Variants in POFUT1 observed in about 807,000 individuals in gnomAD.
The protein encoded by POFUT1 is GDP-fucose protein O-fucosyltransferase 1.
In POFUT1, 16 loss-of-function variants were observed where a neutral mutation model predicts 42.4. The ratio of observed to expected loss-of-function variants is 0.38; its 90% CI spans 0.26 to 0.57. The LOEUF (loss-of-function observed/expected upper bound fraction) is 0.57, where lower values mean the gene tolerates loss of function less well. POFUT1 is among the 20% of genes least tolerant of loss of function. The pLI, the probability that POFUT1 is intolerant of heterozygous loss-of-function variation, is 0.71. For synonymous variants in POFUT1, 206 were observed against 205.4 expected (o/e 1.00, Z -0.03); for missense variants, 470 against 504.6 (o/e 0.93, Z 0.66).
chr20:32,213,095 A>G (rs1354388935), intron 2 of POFUT1, among the ~76,000 whole-genome samples: 2 of 151,562 alleles, frequency 1.3e-5, no homozygotes, highest in African/African-American at 2.4e-5. Flanking sequence ...CATGTTGTCC[A>G]GAGTGGTCTC....
intron 4 of POFUT1, chr20:32,223,234 AG>A: frequency 1.0e-6 from 1 of 985,466 alleles, no homozygotes; most frequent in Non-Finnish European, 1.2e-6. Context: ...ACCAAGGGTG[AG>A]CAGTCACCGG....
intron 6 of POFUT1, among the ~76,000 whole-genome samples, chr20:32,232,457 A>G (rs887410334): frequency 1.3e-5 from 2 of 152,216 alleles, no homozygotes; most frequent in Non-Finnish European, 2.9e-5. Context: ...AGTTTACCCA[A>G]GCAGTCCCAG....
chr20:32,223,219 GCCTGACCAAGGGTGAGCAGTCAC>G, intron 4 of POFUT1: 2 of 985,448 alleles, frequency 2.0e-6, no homozygotes, highest in Non-Finnish European at 2.4e-6. Flanking sequence ...GAGGCAAAGG[GCCTGACCAAGGGTGAGCAGTCAC>G]CGGGAGGTGG....
At chr20:32,210,799 G>C (rs149174444) in intron 2 of POFUT1, among the ~76,000 whole-genome samples, 2 of 152,294 alleles carry the variant, frequency 1.3e-5, no homozygotes, top group African/African-American at 4.8e-5. Flanking sequence ...TGTTCATATT[G>C]TATCTCCCGG....
At chr20:32,225,142 A>G (rs1426777042) in intron 4 of POFUT1, among the ~76,000 whole-genome samples, 7 of 152,148 alleles carry the variant, frequency 4.6e-5, no homozygotes, top group Non-Finnish European at 8.8e-5. Flanking sequence ...GTAGATCAAA[A>G]TATCATATTG....
At chr20:32,212,948 G>A (rs563412057) in intron 2 of POFUT1, among the ~76,000 whole-genome samples, 281 of 151,472 alleles carry the variant, frequency 1.9e-3, no homozygotes, top group African/African-American at 6.3e-3. Context: ...GCAGTGGCAC[G>A]ATCTTGGCTC....
At chr20:32,226,916 T>A (rs2122593808) in intron 4 of POFUT1, among the ~76,000 whole-genome samples, 1 of 152,328 alleles carries the variant, frequency 6.6e-6, no homozygotes, top group Admixed American at 6.5e-5. Flanking sequence ...CATTGGTGTA[T>A]AGGCTTGTGT....
In POFUT1 at chr20:32,237,601, C is replaced by T; in HGVS notation, c.*2940C>T. 1 of 297,182 alleles carries T rather than the reference C, an allele frequency of 3.4e-6. No individual in the cohort carries two copies. The highest frequency in any genetic ancestry group is 7.0e-6 in the Non-Finnish European group (1 of 142,010). The allele number at this position is 297,182 out of a possible 1,614,324, so 18.4% of individuals were successfully genotyped here. ...TCAGAGCAGGCGAGCTGACATTCTGCAGCCTGGACGGCCATGGCAGGAAGC... is the reference window on the plus strand; with the variant it reads ...TCAGAGCAGGCGAGCTGACATTCTGTAGCCTGGACGGCCATGGCAGGAAGC... On this transcript the variant is annotated 3_prime_UTR_variant, in exon 7 of 7. Transcript: ENST00000375749.
rs2122607436 is a variant in POFUT1 at position 32,234,931 on chromosome 20, G to T, written c.*270G>T. ...TTTCTCACACTGGCAAAGCAGTCCA[G>T]CCTCCGTCTTCTGGTCCACTCTGCT... On this transcript the variant is annotated 3_prime_UTR_variant, in exon 7 of 7. Transcript: ENST00000375749. 1 of 372,334 alleles carries T rather than the reference G, an allele frequency of 2.7e-6. No individual in the cohort carries two copies. Among genetic ancestry groups the T allele is most frequent in the East Asian group, 4.7e-5 (1 of 21,326 alleles). 23.1% of individuals were successfully genotyped at this position (372,334 alleles called of 1,614,324 possible). A position where few individuals can be genotyped will look rare whatever the true frequency, so the allele number is the denominator to read the frequency against.
intron 4 of POFUT1, among the ~76,000 whole-genome samples, chr20:32,218,727 A>G (rs766273862): frequency 2.6e-5 from 4 of 152,200 alleles, no homozygotes; most frequent in Non-Finnish European, 5.9e-5. Flanking sequence ...ACAATATGCC[A>G]GGAAAAAAAG....
intron 1 of POFUT1, among the ~76,000 whole-genome samples, chr20:32,209,561 T>G (rs2047315466): frequency 6.6e-6 from 1 of 152,182 alleles, no homozygotes; most frequent in Non-Finnish European, 1.5e-5. Context: ...ACAGGGTCCT[T>G]GCTTCTGAGG....
intron 1 of POFUT1, 50 bp from the exon 2 acceptor site, chr20:32,210,021 A>G: frequency 1.2e-6 from 2 of 1,612,380 alleles, no homozygotes; most frequent in South Asian, 1.1e-5. Context: ...TGCATGCTCT[A>G]TGCCCTCCAT....
In POFUT1 at chr20:32,237,916, T is replaced by C. The variant is rs1378200370; in HGVS notation, c.*3255T>C. Reference sequence around the variant, plus strand: ...AGATTCTGAACATATGTAATTATTTTTCAGTCTTTTTCAAAGATACAAATA... The same window carrying C: ...AGATTCTGAACATATGTAATTATTTCTCAGTCTTTTTCAAAGATACAAATA... On this transcript the variant is annotated 3_prime_UTR_variant, in exon 7 of 7. Coordinates refer to ENST00000375749, the MANE Select transcript of POFUT1 (RefSeq NM_015352.2). The C allele has an allele frequency of 1.5e-5, 7 of 470,610 alleles. No individual in the cohort carries two copies. The highest frequency in any genetic ancestry group is 3.1e-5 in the Non-Finnish European group (7 of 228,082). 29.2% of individuals were successfully genotyped at this position (470,610 alleles called of 1,614,324 possible).
chr20:32,224,695 G>A (rs1229764870), intron 4 of POFUT1, among the ~76,000 whole-genome samples: 1 of 152,232 alleles, frequency 6.6e-6, no homozygotes, highest in Non-Finnish European at 1.5e-5. Context: ...AGGTGTGGAA[G>A]GTGTTTGCTG....
intron 5 of POFUT1, 120 bp from the exon 6 acceptor site, chr20:32,230,694 CAAAAA>C: frequency 9.8e-6 from 9 of 914,644 alleles, no homozygotes; most frequent in Non-Finnish European, 1.3e-5. Context: ...GACTCCGTCT[CAAAAA>C]AAAAAAAAAA....
At chr20:32,223,226 C>A (rs542196158) in intron 4 of POFUT1, 1 of 985,328 alleles carries the variant, frequency 1.0e-6, no homozygotes, top group South Asian at 4.7e-5. Context: ...AGGGCCTGAC[C>A]AAGGGTGAGC....
At chr20:32,214,818 T>G (rs900699703) in intron 2 of POFUT1, among the ~76,000 whole-genome samples, 3 of 152,224 alleles carry the variant, frequency 2.0e-5, no homozygotes, top group Admixed American at 2.0e-4. Flanking sequence ...AGCCTGTCTA[T>G]CCTAGCTTTG....
rs778630208 is a variant in POFUT1, at chr20:32,207,955, C to T, written c.14C>T (p.Ala5Val). The change falls in exon 1 of 7, where the codon GCG becomes GTG. Residue 5 changes from alanine (A) to valine (V), a missense_variant. Coordinates refer to ENST00000375749, the MANE Select transcript of POFUT1 (RefSeq NM_015352.2). MGAA[A>V]WARPLSVSFL... ...TCCCGGGCCGACATGGGCGCCGCCGCGTGGGCACGGCCGCTGAGCGTGTCT... is the reference window on the plus strand; with the variant it reads ...TCCCGGGCCGACATGGGCGCCGCCGTGTGGGCACGGCCGCTGAGCGTGTCT... 9.4e-6 allele frequency: 15 copies of T among 1,589,496 alleles called. No homozygotes were observed. The highest frequency in any genetic ancestry group is 2.7e-5 in the African/African-American group (2 of 74,438).
At chr20:32,214,976 C>G (rs59582435) in intron 2 of POFUT1, among the ~76,000 whole-genome samples, 2,206 of 152,234 alleles carry the variant, frequency 0.014, 45 homozygotes, top group African/African-American at 0.049. Context: ...CAACCTCCAC[C>G]TCCTGGGTTC....
Sources: gnomAD v4.1 joint callset for allele counts (sites outside exome capture counted in the v4.1 genomes callset) on GRCh38, gnomAD v4.1.1 for gene constraint, MANE v1.5 for transcripts, NCBI Gene and HGNC (gene_info 2026-07-23, HGNC 2026-07-21) for gene names.